PDE7B: variants seen among roughly 807,000 people sequenced by gnomAD.
PDE7B encodes the protein phosphodiesterase 7B.
Under a neutral mutation model 56.2 loss-of-function variants are expected in PDE7B, and 29 were observed. The observed-to-expected ratio is 0.52, with a 90% CI of 0.38 to 0.70. The LOEUF (loss-of-function observed/expected upper bound fraction) is 0.70, where lower values mean the gene tolerates loss of function less well. PDE7B is among the 30% of genes least tolerant of loss of function. PDE7B has a pLI of 0.00. For missense variants in PDE7B, 490 were observed against 565.0 expected, an observed-to-expected ratio of 0.87 and a Z score of 1.35; for synonymous variants, 197 against 196.9, an observed-to-expected ratio of 1.00 and a Z score of 0.00.
intron 7 of PDE7B, 45 bp from the exon 8 acceptor site, chr6:136,155,582 T>A: frequency 6.4e-6 from 10 of 1,550,722 alleles, no homozygotes; most frequent in Non-Finnish European, 8.8e-6. Context: ...ATGAGCCTAT[T>A]TGTGAAAATA....
chr6:135,866,111 A>G (rs1338820272), intron 1 of PDE7B, among the ~76,000 whole-genome samples: 1 of 152,200 alleles, frequency 6.6e-6, no homozygotes, highest in Non-Finnish European at 1.5e-5. Flanking sequence ...TAGAACACAC[A>G]TTAGAAAATT....
intron 1 of PDE7B, among the ~76,000 whole-genome samples, chr6:135,885,665 A>C (rs1329146034): frequency 6.6e-6 from 1 of 152,224 alleles, no homozygotes; most frequent in African/African-American, 2.4e-5. Flanking sequence ...CAAACAAGCA[A>C]AAGTAAAGAG....
intron 1 of PDE7B, among the ~76,000 whole-genome samples, chr6:135,862,021 T>G (rs543977996): frequency 6.6e-6 from 1 of 152,002 alleles, no homozygotes; most frequent in Admixed American, 6.5e-5. Flanking sequence ...ATGGATTATT[T>G]TGCTTTTCCA....
intron 2 of PDE7B, among the ~76,000 whole-genome samples, chr6:135,950,079 A>G (rs552040208): frequency 1.4e-4 from 21 of 152,124 alleles, no homozygotes; most frequent in Non-Finnish European, 2.5e-4. Context: ...ATTAACATGC[A>G]TCCACCTGAA....
chr6:135,974,976 G>C (rs1023136378), intron 2 of PDE7B, among the ~76,000 whole-genome samples: 1 of 152,016 alleles, frequency 6.6e-6, no homozygotes, highest in East Asian at 1.9e-4. Flanking sequence ...AAAAGGGTGA[G>C]GTGCAAGAGT....
chr6:135,939,816 A>G (rs565025416), intron 1 of PDE7B, among the ~76,000 whole-genome samples: 1 of 152,282 alleles, frequency 6.6e-6, no homozygotes, highest in East Asian at 1.9e-4. Context: ...ATTCAAGAAA[A>G]AGGACTAAGA....
chr6:135,894,529 C>G (rs547390847), intron 1 of PDE7B, among the ~76,000 whole-genome samples: 3 of 152,072 alleles, frequency 2.0e-5, no homozygotes, highest in African/African-American at 7.2e-5. Flanking sequence ...GAAACAAGAG[C>G]GTTCTGTTCT....
chr6:136,186,969 T>TGAG, intron 11 of PDE7B, 67 bp from the exon 12 acceptor site: 1 of 845,388 alleles, frequency 1.2e-6, no homozygotes, highest in South Asian at 1.4e-5. Flanking sequence ...GTCATTAAAA[T>TGAG]TATTAATACT....
At chr6:135,948,864 T>C (rs1306402717) in intron 2 of PDE7B, among the ~76,000 whole-genome samples, 1 of 140,288 alleles carries the variant, frequency 7.1e-6, no homozygotes, top group East Asian at 2.0e-4. Context: ...GATAGATAGA[T>C]AGATAGATAG....
At chr6:135,915,407 C>T (rs979260679) in intron 1 of PDE7B, among the ~76,000 whole-genome samples, 1 of 152,212 alleles carries the variant, frequency 6.6e-6, no homozygotes, top group African/African-American at 2.4e-5. Flanking sequence ...TTGCCAGCAA[C>T]ATATGACACT....
At position 135,932,988 on chromosome 6, in the gene PDE7B, T is replaced by C. The variant is rs375425454; in HGVS notation, c.22-14476T>C. On this transcript the variant is annotated intron_variant, in intron 1 of 12. Coordinates refer to ENST00000308191, the MANE Select transcript of PDE7B (RefSeq NM_018945.4). Reference sequence around the variant, plus strand: ...CATGGAGTATGCACTCCCTGTGTTCTGGGCGCTGTGCTGAAAACCTTCTGT... The same window carrying C: ...CATGGAGTATGCACTCCCTGTGTTCCGGGCGCTGTGCTGAAAACCTTCTGT... Among the ~76,000 whole-genome samples, 17 of 152,358 alleles carry C rather than the reference T, an allele frequency of 1.1e-4. 1 individual carries two copies. The highest frequency in any genetic ancestry group is 7.7e-4 in the East Asian group (4 of 5,182).
At chr6:135,901,515 G>A (rs1038796690) in intron 1 of PDE7B, among the ~76,000 whole-genome samples, 1 of 152,076 alleles carries the variant, frequency 6.6e-6, no homozygotes, top group Admixed American at 6.6e-5. Context: ...AACCTGAAAG[G>A]GGTGGGAGCT....
At chr6:135,897,263 G>GGTGTGTGTGTGT (rs3037814) in intron 1 of PDE7B, among the ~76,000 whole-genome samples, 1 of 150,016 alleles carries the variant, frequency 6.7e-6, no homozygotes, top group African/African-American at 2.4e-5. Context: ...ATTGTGTCAG[G>GGTGTGTGTGTGT]GTGTGTGTGT....
At chr6:135,975,886 C>A (rs941368175) in intron 2 of PDE7B, among the ~76,000 whole-genome samples, 2 of 152,126 alleles carry the variant, frequency 1.3e-5, no homozygotes. Context: ...AGCAGTGAGA[C>A]CTTACAGTGA....
chr6:136,187,013 T>A (rs528203508), intron 11 of PDE7B, 23 bp from the exon 12 acceptor site: 15 of 1,274,916 alleles, frequency 1.2e-5, no homozygotes, highest in Middle Eastern at 2.0e-4. Flanking sequence ...AATGTGTTTT[T>A]TTCTTTCTTT....
chr6:136,017,786 T>C (rs1488271300), intron 2 of PDE7B, among the ~76,000 whole-genome samples: 5 of 152,154 alleles, frequency 3.3e-5, no homozygotes, highest in Non-Finnish European at 7.4e-5. Flanking sequence ...CTAATTAGCA[T>C]AGGAAATGGG....
At chr6:136,169,910 T>C (rs1016924304) in intron 8 of PDE7B, among the ~76,000 whole-genome samples, 4 of 152,178 alleles carry the variant, frequency 2.6e-5, no homozygotes, top group Admixed American at 6.5e-5. Context: ...TAAAGAATAA[T>C]GACTCCTTGG....
intron 2 of PDE7B, among the ~76,000 whole-genome samples, chr6:136,020,604 G>A (rs1257870130): frequency 6.6e-6 from 1 of 151,790 alleles, no homozygotes; most frequent in Non-Finnish European, 1.5e-5. Context: ...TCCCAGAGCA[G>A]TTATTGCACT....
rs540310738 is a variant in PDE7B, at chr6:135,915,510, T to C, written c.22-31954T>C. 2.6e-5 allele frequency among the ~76,000 whole-genome samples: 4 copies of C among 152,352 alleles called. No individual in the cohort carries two copies. In the South Asian group the frequency reaches 6.2e-4, roughly 24 times the overall value. On this transcript the variant is annotated intron_variant, in intron 1 of 12. Transcript: ENST00000308191. ...GGCAAGTCTAATAGGTGTATCTCAT[T>C]GTGGGTTTAATTTGCATTTTCTTGC...
Sources: gnomAD v4.1 joint callset for allele counts (sites outside exome capture counted in the v4.1 genomes callset) on GRCh38, gnomAD v4.1.1 for gene constraint, MANE v1.5 for transcripts, NCBI Gene and HGNC (gene_info 2026-07-23, HGNC 2026-07-21) for gene names.